The following KRTAP24-1 variants were observed in gnomAD, a reference collection of about 807,000 sequenced individuals.
The protein encoded by KRTAP24-1 is keratin associated protein 24-1.
For synonymous variants in KRTAP24-1, 133 were observed against 116.3 expected, an observed-to-expected ratio of 1.14 and a Z score of -0.92; for missense variants, 344 against 303.2, an observed-to-expected ratio of 1.13 and a Z score of -1.00.
In KRTAP24-1 at chr21:30,281,936, G is replaced by A. The variant is rs546035012; in HGVS notation, c.*232C>T. 4 of 486,384 alleles carry A rather than the reference G, an allele frequency of 8.2e-6. No individual in the cohort carries two copies. The highest frequency in any genetic ancestry group is 1.4e-5 in the Non-Finnish European group (4 of 277,836). 30.1% of individuals were successfully genotyped at this position (486,384 alleles called of 1,614,324 possible). On this transcript the variant is annotated 3_prime_UTR_variant, in exon 1 of 1. Coordinates refer to ENST00000340345, the MANE Select transcript of KRTAP24-1 (RefSeq NM_001085455.3). ...TGTAATAAATCTCAGAAATAATGATGTTACCTTCAGGGTCAGCTTTTAGTA... is the reference window on the plus strand; with the variant it reads ...TGTAATAAATCTCAGAAATAATGATATTACCTTCAGGGTCAGCTTTTAGTA...
Position 30,281,823 on chromosome 21 carries a change from TCACA to T in KRTAP24-1, c.*341_*344del, listed in dbSNP as rs1159544238. On this transcript the variant is annotated 3_prime_UTR_variant, in exon 1 of 1. Transcript: ENST00000340345. ...TTTCATCAGGAAAGGTAGGTGATAA[TCACA>T]CTGTCAGACAAGTGACAGTGACAGC... The T allele has an allele frequency of 2.9e-5, 6 of 204,898 alleles. No homozygotes were observed. Among genetic ancestry groups the T allele is most frequent in the Non-Finnish European group, 4.9e-5 (5 of 102,258 alleles). The allele number at this position is 204,898 out of a possible 1,614,324, so 12.7% of individuals were successfully genotyped here. A position where few individuals can be genotyped will look rare whatever the true frequency, so the allele number is the denominator to read the frequency against.
Position 30,282,564 on chromosome 21 carries a change from C to A in KRTAP24-1, c.369G>T (p.Gln123His). The A allele has an allele frequency of 6.3e-7, 1 of 1,599,882 alleles. No individual in the cohort carries two copies. Among genetic ancestry groups the A allele is most frequent in the South Asian group, 1.1e-5 (1 of 88,240 alleles). The change falls in exon 1 of 1, where the codon CAG becomes CAT. Residue 123 changes from glutamine (Q) to histidine (H), a missense_variant. By Grantham distance (24) the Gln-to-His change is conservative. Coordinates refer to ENST00000340345, the MANE Select transcript of KRTAP24-1 (RefSeq NM_001085455.3). ...SPSPSCSPST[Q>H]TNGYVCNCHI... ...GGCAATTGCATACATACCCATTGGT[C>A]TGGGTGCTTGGGCTGCAGCTGGGGC...
chr21:30,282,879 T>C lies in KRTAP24-1; in HGVS notation c.54A>G (p.Thr18=), dbSNP rs192308610. Residue 18 remains threonine, a synonymous_variant, in exon 1 of 1, where the codon ACA becomes ACG. Coordinates refer to ENST00000340345, the MANE Select transcript of KRTAP24-1 (RefSeq NM_001085455.3). ...GGATATAACAGTGAGTTCTGTATGA[T>C]GTGGTACTGCAGACCCCAGGATAGC... is the stretch of plus-strand genomic sequence containing the variant. ...TTGYPGVCST[T]SYRTHCYIPV... The C allele has an allele frequency of 2.2e-4, 352 of 1,613,792 alleles. No individual in the cohort carries two copies. Among genetic ancestry groups the C allele is most frequent in the Admixed American group, 7.7e-4 (46 of 60,004 alleles).
Position 30,282,894 on chromosome 21 carries a change from C to A in KRTAP24-1, c.39G>T (p.Gly13=), listed in dbSNP as rs1557291. The stretch of plus-strand genomic sequence containing the variant: ...TTCTGTATGATGTGGTACTGCAGAC[C>A]CCAGGATAGCCTGTAGTAGACATGG... ...AGSMSTTGYP[G]VCSTTSYRTH... The change falls in exon 1 of 1, where the codon GGG becomes GGT. Residue 13 remains glycine (G), a synonymous_variant. Coordinates refer to ENST00000340345, the MANE Select transcript of KRTAP24-1 (RefSeq NM_001085455.3). 6.2e-7 allele frequency: 1 copy of A among 1,613,046 alleles called. No individual in the cohort carries two copies. Among genetic ancestry groups the A allele is most frequent in the Admixed American group, 1.7e-5 (1 of 59,932 alleles).
chr21:30,282,604 G>A lies in KRTAP24-1; in HGVS notation c.329C>T (p.Thr110Ile). The A allele has an allele frequency of 6.3e-7, 1 of 1,588,718 alleles. No individual in the cohort carries two copies. The highest frequency in any genetic ancestry group is 8.6e-7 in the Non-Finnish European group (1 of 1,167,678). Reference sequence around the variant, plus strand: ...GCAGCTGGGGCTGGGGCTGACGTTGGTAGTTTCACAGACACTGAAGACTTG... The same window carrying A: ...GCAGCTGGGGCTGGGGCTGACGTTGATAGTTTCACAGACACTGAAGACTTG... ...AGQVFSVCET[T>I]NVSPSPSCSP... Residue 110 changes from threonine (T) to isoleucine (I), a missense_variant, in exon 1 of 1, where the codon ACC becomes ATC. Thr to Ile is a moderately conservative substitution (Grantham distance 89). Coordinates refer to ENST00000340345, the MANE Select transcript of KRTAP24-1 (RefSeq NM_001085455.3).
rs1167192119 is a variant in KRTAP24-1 at position 30,282,085 on chromosome 21, TC to T, written c.*82del. The T allele has an allele frequency of 7.5e-7, 1 of 1,330,200 alleles. No individual in the cohort carries two copies. The highest frequency in any genetic ancestry group is 2.3e-5 in the East Asian group (1 of 43,176). 82.4% of individuals were successfully genotyped at this position (1,330,200 alleles called of 1,614,324 possible). Reference sequence around the variant, plus strand: ...AGATTCTTAGGCTGAATAAAGAGATTCAGCAGAAAATTAGACGTTCTAGTAC... The same window carrying T: ...AGATTCTTAGGCTGAATAAAGAGATTAGCAGAAAATTAGACGTTCTAGTAC... On this transcript the variant is annotated 3_prime_UTR_variant, in exon 1 of 1. Transcript: ENST00000340345.
Position 30,282,235 on chromosome 21 carries a change from T to C in KRTAP24-1, c.698A>G (p.Tyr233Cys), listed in dbSNP as rs2123271375. ...YLSRSFRSLS[Y>C]IPSTFPPLRY... Reference sequence around the variant, plus strand: ...CAGAGGTGGAAAGGTACTGGGTATATAGCTCAGAGATCTGAAGCTTCTAGA... The same window carrying C: ...CAGAGGTGGAAAGGTACTGGGTATACAGCTCAGAGATCTGAAGCTTCTAGA... Residue 233 changes from tyrosine to cysteine, a missense_variant, in exon 1 of 1, where the codon TAT (tyrosine) becomes TGT (cysteine). By Grantham distance (194) the Tyr-to-Cys change is radical (BLOSUM62 -2). Transcript: ENST00000340345. 2.5e-6 allele frequency: 4 copies of C among 1,614,160 alleles called. No homozygotes were observed. The highest frequency in any genetic ancestry group is 3.4e-6 in the Non-Finnish European group (4 of 1,179,996).
In KRTAP24-1 at chr21:30,281,514, C is replaced by A. The variant is rs1379873758; in HGVS notation, c.*654G>T. ...GAGGCTTTTTCTTAGGCATGGAGAA[C>A]AAAAGCTGAGTACCAGTGAATCTTG... is the stretch of plus-strand genomic sequence containing the variant. On this transcript the variant is annotated 3_prime_UTR_variant, in exon 1 of 1. Coordinates refer to ENST00000340345, the MANE Select transcript of KRTAP24-1 (RefSeq NM_001085455.3). 1.3e-5 allele frequency: 2 copies of A among 152,132 alleles called. No homozygotes were observed. The highest frequency in any genetic ancestry group is 2.9e-5 in the Non-Finnish European group (2 of 68,022). The allele number at this position is 152,132 out of a possible 1,614,324, so 9.4% of individuals were successfully genotyped here. A position where few individuals can be genotyped will look rare whatever the true frequency, so the allele number is the denominator to read the frequency against.
Position 30,281,763 on chromosome 21 carries a change from A to G in KRTAP24-1, c.*405T>C, listed in dbSNP as rs1486252167. 1 of 171,100 alleles carries G rather than the reference A, an allele frequency of 5.8e-6. No individual in the cohort carries two copies. The highest frequency in any genetic ancestry group is 1.2e-5 in the Non-Finnish European group (1 of 80,292). 10.6% of individuals were successfully genotyped at this position (171,100 alleles called of 1,614,324 possible). ...ATCAAAGCCATCCGAATGAATTTGC[A>G]TGCTGGAATCTGCAGTCAAACCATG... is the stretch of plus-strand genomic sequence containing the variant. On this transcript the variant is annotated 3_prime_UTR_variant, in exon 1 of 1. Coordinates refer to ENST00000340345, the MANE Select transcript of KRTAP24-1 (RefSeq NM_001085455.3).
the KRTAP24-1 span, chr21:30,282,398 G>A: frequency 1.2e-6 from 2 of 1,614,092 alleles, no homozygotes; most frequent in Non-Finnish European, 1.7e-6. Context: ...CAAGGATTTT[G>A]GTAGCTTTTA....
rs777585612 is a variant in KRTAP24-1 at position 30,282,757 on chromosome 21, T to A, written c.176A>T (p.Asp59Val). 55 of 1,613,930 alleles carry A rather than the reference T, an allele frequency of 3.4e-5. No individual in the cohort carries two copies. The highest frequency in any genetic ancestry group is 3.9e-5 in the Non-Finnish European group (46 of 1,179,982). The change falls in exon 1 of 1, where the codon GAT (aspartate) becomes GTT (valine). Residue 59 changes from aspartate (D) to valine (V), a missense_variant. Asp to Val is a radical substitution (Grantham distance 152). Transcript: ENST00000340345. ...SSYQGNLWLL[D>V]YCQESYGEAP... ...TTCACCGTAGGATTCTTGGCAGTAA[T>A]CCAGGAGCCAGAGATTTCCTTGGTA...
At position 30,282,756 on chromosome 21, in the gene KRTAP24-1, A is replaced by G; in HGVS notation, c.177T>C (p.Asp59=). 6.2e-7 allele frequency: 1 copy of G among 1,614,102 alleles called. No homozygotes were observed. The highest frequency in any genetic ancestry group is 8.5e-7 in the Non-Finnish European group (1 of 1,179,994). The change falls in exon 1 of 1, where the codon GAT becomes GAC. Residue 59 remains aspartate (D), a synonymous_variant. Transcript: ENST00000340345. ...CTTCACCGTAGGATTCTTGGCAGTAATCCAGGAGCCAGAGATTTCCTTGGT... is the reference window on the plus strand; with the variant it reads ...CTTCACCGTAGGATTCTTGGCAGTAGTCCAGGAGCCAGAGATTTCCTTGGT... The part of the protein sequence containing the change: ...SSYQGNLWLL[D]YCQESYGEAP...
Sources: gnomAD v4.1 joint callset for allele counts on GRCh38, gnomAD v4.1.1 for gene constraint, MANE v1.5 for transcripts, NCBI Gene and HGNC (gene_info 2026-07-23, HGNC 2026-07-21) for gene names.